Variants in UBE2V1 observed in about 807,000 individuals in gnomAD.
UBE2V1 encodes ubiquitin conjugating enzyme E2 V1.
A neutral mutation model predicts 19.6 loss-of-function variants in UBE2V1; 15 were observed. The observed-to-expected ratio is 0.77, with a 90% CI of 0.51 to 1.18. The LOEUF is 1.18. UBE2V1 is among the 50% of genes most tolerant of loss of function. UBE2V1 has a pLI of 0.00. For synonymous variants in UBE2V1, 60 were observed against 60.7 expected (o/e 0.99, Z 0.05); for missense variants, 125 against 184.8 (o/e 0.68, Z 1.88).
At chr20:50,094,466 T>C (rs767160784) in intron 2 of UBE2V1, among the ~76,000 whole-genome samples, 4 of 151,356 alleles carry the variant, frequency 2.6e-5, no homozygotes, top group East Asian at 3.9e-4. Flanking sequence ...AGCCAAAAGG[T>C]AGAAACAACC....
chr20:50,086,562 T>G (rs1235955043), intron 2 of UBE2V1, among the ~76,000 whole-genome samples: 1 of 152,184 alleles, frequency 6.6e-6, no homozygotes, highest in Non-Finnish European at 1.5e-5. Flanking sequence ...GAACCTATCA[T>G]AGTCTCCATC....
intron 1 of UBE2V1, among the ~76,000 whole-genome samples, chr20:50,112,759 C>G (rs142793767): frequency 1.3e-5 from 2 of 152,340 alleles, no homozygotes; most frequent in Non-Finnish European, 2.9e-5. Flanking sequence ...TCTAGGGGAC[C>G]TCTAGATCGC....
upstream of UBE2V1, among the ~76,000 whole-genome samples, chr20:50,114,137 CT>C (rs2080937684): frequency 6.6e-6 from 1 of 152,076 alleles, no homozygotes; most frequent in African/African-American, 2.4e-5. Context: ...GGTACTCCTC[CT>C]TTATTATAAA....
chr20:50,093,498 A>G (rs1195639373), intron 2 of UBE2V1, among the ~76,000 whole-genome samples: 1 of 152,226 alleles, frequency 6.6e-6, no homozygotes, highest in Non-Finnish European at 1.5e-5. Flanking sequence ...GAACCAGGAT[A>G]ATAAAAACTA....
intron 1 of UBE2V1, among the ~76,000 whole-genome samples, chr20:50,108,163 A>C (rs2080513493): frequency 1.3e-5 from 2 of 152,248 alleles, no homozygotes; most frequent in Non-Finnish European, 2.9e-5. Context: ...TCTCCTGTAT[A>C]GAAAATGGAA....
intron 2 of UBE2V1, among the ~76,000 whole-genome samples, chr20:50,094,031 T>TAAA (rs1366430352): frequency 4.0e-3 from 270 of 67,982 alleles, no homozygotes; most frequent in African/African-American, 0.017. Flanking sequence ...ATAATAATAA[T>TAAA]AAAATATATA....
At chr20:50,098,293 C>T (rs1345891779) in intron 1 of UBE2V1, among the ~76,000 whole-genome samples, 1 of 152,120 alleles carries the variant, frequency 6.6e-6, no homozygotes, top group Non-Finnish European at 1.5e-5. Flanking sequence ...CAATTTAGCT[C>T]AAACCAAGTG....
At chr20:50,110,462 A>T (rs2147212540) in intron 1 of UBE2V1, among the ~76,000 whole-genome samples, 1 of 152,322 alleles carries the variant, frequency 6.6e-6, no homozygotes, top group East Asian at 1.9e-4. Context: ...AGATTAATCA[A>T]GAGCCTCACT....
At chr20:50,087,549 C>T (rs1402646041) in intron 2 of UBE2V1, among the ~76,000 whole-genome samples, 2 of 152,132 alleles carry the variant, frequency 1.3e-5, no homozygotes, top group East Asian at 1.9e-4. Context: ...GAACATTCTG[C>T]GTCTGTGAGA....
intron 2 of UBE2V1, among the ~76,000 whole-genome samples, chr20:50,094,065 T>G: frequency 7.7e-6 from 1 of 129,304 alleles, no homozygotes; most frequent in East Asian, 2.0e-4. Context: ...TTATGTATGT[T>G]ATATATATAA....
At chr20:50,112,577 G>A (rs2080829464) in intron 1 of UBE2V1, among the ~76,000 whole-genome samples, 2 of 152,222 alleles carry the variant, frequency 1.3e-5, no homozygotes, top group Admixed American at 1.3e-4. Context: ...AACTAACGCC[G>A]GAGCCGTTCC....
At chr20:50,090,248 T>C (rs1223349075) in intron 2 of UBE2V1, among the ~76,000 whole-genome samples, 1 of 152,240 alleles carries the variant, frequency 6.6e-6, no homozygotes, top group Non-Finnish European at 1.5e-5. Flanking sequence ...AAAGAGATCA[T>C]CTGCACTTCC....
At chr20:50,109,286 T>G (rs2080588466) in intron 1 of UBE2V1, among the ~76,000 whole-genome samples, 1 of 152,210 alleles carries the variant, frequency 6.6e-6, no homozygotes, top group African/African-American at 2.4e-5. Flanking sequence ...ACTTCATATT[T>G]TGTATTCTAC....
At chr20:50,104,732 T>C (rs2080248223) in intron 1 of UBE2V1, among the ~76,000 whole-genome samples, 1 of 151,276 alleles carries the variant, frequency 6.6e-6, no homozygotes, top group Non-Finnish European at 1.5e-5. Flanking sequence ...TAACCATTTC[T>C]AATTTATTTT....
chr20:50,096,662 C>G lies in UBE2V1; in HGVS notation c.171+10G>C. ...GACATTGACATTTATAGCCGTAGCTCGACGCTTACTCTTGGAGGCCCAATT... is the reference window on the plus strand; with the variant it reads ...GACATTGACATTTATAGCCGTAGCTGGACGCTTACTCTTGGAGGCCCAATT... On this transcript the variant is annotated intron_variant, in intron 2 of 3. Transcript: ENST00000371674. 1.9e-6 allele frequency: 3 copies of G among 1,613,280 alleles called. No individual in the cohort carries two copies. Among genetic ancestry groups the G allele is most frequent in the Non-Finnish European group, 2.5e-6 (3 of 1,179,618 alleles).
chr20:50,098,842 T>C lies in UBE2V1; in HGVS notation c.23-2022A>G, dbSNP rs552601101. 9.5e-5 allele frequency: 74 copies of C among 779,160 alleles called. 1 individual carries two copies. The South Asian group carries it at 3.9e-3, about 41-fold the overall frequency. The allele number at this position is 779,160 out of a possible 1,614,324, so 48.3% of individuals were successfully genotyped here. A position where few individuals can be genotyped will look rare whatever the true frequency, so the allele number is the denominator to read the frequency against. On this transcript the variant is annotated intron_variant, in intron 1 of 3. Coordinates refer to ENST00000371674, the MANE Select transcript of UBE2V1 (RefSeq NM_001032288.3). Reference sequence around the variant, plus strand: ...AAGAAAAATATTAAATAGTACTACATATGGTATTTGAAAGGAAACAGCAAA... The same window carrying C: ...AAGAAAAATATTAAATAGTACTACACATGGTATTTGAAAGGAAACAGCAAA...
At chr20:50,096,430 G>A in intron 2 of UBE2V1, 2 of 952,368 alleles carry the variant, frequency 2.1e-6, no homozygotes, top group Non-Finnish European at 1.5e-6. Context: ...ACACCTCACT[G>A]TCTACATTGT....
In UBE2V1 at chr20:50,094,013, T is replaced by TAA. The variant is rs1366589410; in HGVS notation, c.171+2657_171+2658dup. Reference sequence around the variant, plus strand: ...AAAAAAAAAAAAAAAAAAAAAAAAATAATAATAATAATAATAATAAAATAT... The same window carrying TAA: ...AAAAAAAAAAAAAAAAAAAAAAAAATAAAATAATAATAATAATAATAAAATAT... On this transcript the variant is annotated intron_variant, in intron 2 of 3. Coordinates refer to ENST00000371674, the MANE Select transcript of UBE2V1 (RefSeq NM_001032288.3). Among the ~76,000 whole-genome samples, 6 of 81,710 alleles carry TAA rather than the reference T, an allele frequency of 7.3e-5. No homozygotes were observed. The East Asian group carries it at 1.9e-3, about 25-fold the overall frequency. The allele number at this position is 81,710 out of a possible 152,430, so 53.6% of individuals were successfully genotyped here.
upstream of UBE2V1, chr20:50,115,400 C>A: frequency 7.2e-7 from 1 of 1,383,258 alleles, no homozygotes; most frequent in South Asian, 1.8e-5. Context: ...CTTTGGGGAG[C>A]ACAGAAAATA....
Sources: allele counts gnomAD v4.1 joint callset (sites outside exome capture counted in the v4.1 genomes callset), GRCh38; gene constraint gnomAD v4.1.1; transcripts MANE v1.5; gene names NCBI Gene and HGNC (gene_info 2026-07-23, HGNC 2026-07-21).